The following RTCA variants were observed in gnomAD, a reference collection of about 807,000 sequenced individuals.
The protein encoded by RTCA is RNA terminal phosphate cyclase domain 1.
In RTCA, 37 loss-of-function variants were observed where a neutral mutation model predicts 46.1. That is an observed-to-expected ratio of 0.80 (90% CI 0.62 to 1.06). RTCA has a LOEUF of 1.06. Ranked by LOEUF, RTCA falls within the 50% of genes least tolerant of loss-of-function variation. RTCA has a pLI of 0.00. For synonymous variants in RTCA, 164 were observed against 158.3 expected (o/e 1.04, Z -0.27); for missense variants, 435 against 455.5 (o/e 0.95, Z 0.41).
chr1:100,272,991 G>A (rs1346850773), intron 4 of RTCA, among the ~76,000 whole-genome samples: 1 of 152,148 alleles, frequency 6.6e-6, no homozygotes, highest in Non-Finnish European at 1.5e-5. Context: ...TAATGTTAAA[G>A]CATTGTCTGT....
chr1:100,284,824 C>T (rs1023538536), intron 8 of RTCA, among the ~76,000 whole-genome samples: 7 of 152,180 alleles, frequency 4.6e-5, no homozygotes, highest in Non-Finnish European at 8.8e-5. Flanking sequence ...CCTTGAATTC[C>T]TGGCCTCAAG....
At chr1:100,283,436 A>G (rs1666830517) in intron 8 of RTCA, among the ~76,000 whole-genome samples, 1 of 152,136 alleles carries the variant, frequency 6.6e-6, no homozygotes, top group African/African-American at 2.4e-5. Context: ...TGCTGGGATT[A>G]TAGGCATGAG....
chr1:100,278,333 G>A (rs1034942615), intron 8 of RTCA, among the ~76,000 whole-genome samples: 1 of 152,120 alleles, frequency 6.6e-6, no homozygotes, highest in African/African-American at 2.4e-5. Flanking sequence ...TTTAAGGTTT[G>A]GTATATTAGA....
Position 100,266,310 on chromosome 1 carries a change from C to G in RTCA, c.-66C>G. 1 of 1,583,124 alleles carries G rather than the reference C, an allele frequency of 6.3e-7. No individual in the cohort carries two copies. The highest frequency in any genetic ancestry group is 8.6e-7 in the Non-Finnish European group (1 of 1,166,520). ...TTCTGAACTACTGGGCGGGAGCCAACGTCTCTTCTTTCTCCCGCTCTGGCG... is the reference window on the plus strand; with the variant it reads ...TTCTGAACTACTGGGCGGGAGCCAAGGTCTCTTCTTTCTCCCGCTCTGGCG... On this transcript the variant is annotated 5_prime_UTR_variant, in exon 1 of 11. Coordinates refer to ENST00000370128, the MANE Select transcript of RTCA (RefSeq NM_003729.4).
At chr1:100,272,204 G>A (rs1259346010) in intron 4 of RTCA, among the ~76,000 whole-genome samples, 1 of 152,110 alleles carries the variant, frequency 6.6e-6, no homozygotes, top group Non-Finnish European at 1.5e-5. Context: ...GTTATAATAA[G>A]CAAATGTCTA....
intron 8 of RTCA, among the ~76,000 whole-genome samples, chr1:100,277,558 T>A (rs1369830086): frequency 2.6e-5 from 4 of 152,210 alleles, no homozygotes; most frequent in Non-Finnish European, 5.9e-5. Flanking sequence ...CAACCTTCTC[T>A]TAGATTCACT....
At chr1:100,286,474 A>G (rs1667037428) in intron 9 of RTCA, among the ~76,000 whole-genome samples, 1 of 150,632 alleles carries the variant, frequency 6.6e-6, no homozygotes, top group Non-Finnish European at 1.5e-5. Context: ...AAAAAAAAAA[A>G]AACGAAAAAC....
intron 2 of RTCA, 158 bp from the exon 3 acceptor site, chr1:100,267,994 C>T: frequency 2.1e-6 from 2 of 955,982 alleles, no homozygotes; most frequent in East Asian, 5.1e-5. Context: ...AGTCTAGGTG[C>T]ATAAAAACCC....
At position 100,281,756 on chromosome 1, in the gene RTCA, G is replaced by A. The variant is rs1400662600; in HGVS notation, c.800-3472G>A. ...TTTCGAGACGGAATCTTGCTTTGTC[G>A]CCCAGGCTAGAGTGCAATGGAGCAA... On this transcript the variant is annotated intron_variant, in intron 8 of 10. Transcript: ENST00000370128. 2.7e-5 allele frequency among the ~76,000 whole-genome samples: 4 copies of A among 150,118 alleles called. No homozygotes were observed. In the East Asian group the frequency reaches 5.8e-4, roughly 22 times the overall value.
intron 2 of RTCA, chr1:100,267,523 T>C: frequency 6.5e-7 from 1 of 1,545,800 alleles, no homozygotes; most frequent in South Asian, 1.2e-5. Flanking sequence ...AAGTCCAAGA[T>C]CAAGGTCCTG....
chr1:100,270,359 T>G (rs902580494), intron 3 of RTCA, among the ~76,000 whole-genome samples, 198 bp from the exon 4 acceptor site: 1 of 152,244 alleles, frequency 6.6e-6, no homozygotes, highest in Non-Finnish European at 1.5e-5. Flanking sequence ...GGTGAAATAC[T>G]GTTTTTCTTT....
At chr1:100,267,870 A>G (rs1263060850) in intron 2 of RTCA, among the ~76,000 whole-genome samples, 4 of 152,198 alleles carry the variant, frequency 2.6e-5, no homozygotes, top group South Asian at 4.1e-4. Flanking sequence ...TGAAATAACT[A>G]TTAGTTTTCT....
chr1:100,289,194 T>C (rs1312906562), intron 10 of RTCA, among the ~76,000 whole-genome samples: 1 of 151,930 alleles, frequency 6.6e-6, no homozygotes, highest in Non-Finnish European at 1.5e-5. Context: ...AATGGCAGTA[T>C]CATAGCTCAC....
intron 3 of RTCA, 147 bp downstream of exon 3, chr1:100,268,442 C>T (rs995531444): frequency 1.6e-5 from 11 of 672,218 alleles, no homozygotes; most frequent in Middle Eastern, 4.2e-4. Flanking sequence ...CTTGCCCAGG[C>T]GGGGGTGCAG....
intron 10 of RTCA, 120 bp downstream of exon 10, chr1:100,287,323 C>G: frequency 1.6e-6 from 1 of 615,004 alleles, no homozygotes; most frequent in Non-Finnish European, 2.6e-6. Context: ...TCCTGTGTGA[C>G]AGGCACTGAG....
intron 2 of RTCA, chr1:100,267,016 G>A: frequency 4.1e-6 from 1 of 244,328 alleles, no homozygotes; most frequent in Non-Finnish European, 8.0e-6. Flanking sequence ...TGGTTCTGCT[G>A]TCAGTTTTAG....
intron 8 of RTCA, 32 bp from the exon 9 acceptor site, chr1:100,285,196 T>C (rs1467522175): frequency 6.5e-7 from 1 of 1,533,670 alleles, no homozygotes; most frequent in Admixed American, 1.7e-5. Context: ...TTGTTTTGTT[T>C]TGTTTTGTTT....
Position 100,266,351 on chromosome 1 carries a change from C to A in RTCA, c.-25C>A, listed in dbSNP as rs780112061. The stretch of plus-strand genomic sequence containing the variant: ...CGCTCTGGCGGAGGCTTTGTCGCTG[C>A]GGGCTGGGCCCCAGGGTGTCCCCCA... On this transcript the variant is annotated 5_prime_UTR_variant, in exon 1 of 11. Coordinates refer to ENST00000370128, the MANE Select transcript of RTCA (RefSeq NM_003729.4). The A allele has an allele frequency of 6.2e-7, 1 of 1,601,954 alleles. No homozygotes were observed. The highest frequency in any genetic ancestry group is 8.5e-7 in the Non-Finnish European group (1 of 1,176,936).
At chr1:100,277,009 G>T (rs1264044468) in intron 7 of RTCA, among the ~76,000 whole-genome samples, 2 of 152,154 alleles carry the variant, frequency 1.3e-5, no homozygotes, top group African/African-American at 4.8e-5. Context: ...TGGGGGGCAT[G>T]GTAGACATTT....
Sources: gnomAD v4.1 joint callset for allele counts (sites outside exome capture counted in the v4.1 genomes callset) on GRCh38, gnomAD v4.1.1 for gene constraint, MANE v1.5 for transcripts, NCBI Gene and HGNC (gene_info 2026-07-23, HGNC 2026-07-21) for gene names.